Variants in TSNARE1 observed in about 807,000 individuals in gnomAD.
The protein encoded by TSNARE1 is t-SNARE domain-containing protein 1.
A neutral mutation model predicts 62.0 loss-of-function variants in TSNARE1; 49 were observed. The observed-to-expected ratio is 0.79, with a 90% CI of 0.63 to 1.00. The LOEUF is 1.00. TSNARE1 is among the 50% of genes least tolerant of loss of function. TSNARE1 has a pLI of 0.00. For synonymous variants in TSNARE1, 328 were observed against 294.4 expected (o/e 1.11, Z -1.17); for missense variants, 755 against 700.1 (o/e 1.08, Z -0.88).
chr8:142,357,659 CAG>C (rs1373888127), intron 1 of TSNARE1, among the ~76,000 whole-genome samples: 6 of 152,160 alleles, frequency 3.9e-5, no homozygotes, highest in Admixed American at 6.5e-5. Context: ...TTCCTCGTGC[CAG>C]AAAGTGAGGG....
intron 10 of TSNARE1, among the ~76,000 whole-genome samples, chr8:142,297,814 G>A (rs932021663): frequency 3.9e-5 from 6 of 151,934 alleles, no homozygotes; most frequent in South Asian, 2.1e-4. Context: ...GACAATTTGC[G>A]TTTTGTTTTT....
rs539469534 is a variant in TSNARE1 at position 142,224,268 on chromosome 8, G to A, written c.*11+5205C>T. The stretch of plus-strand genomic sequence containing the variant: ...AGCTGGGACCCGGAATGGCTCCATC[G>A]AGTGCGGCAGGCGGGCTTTGCCCTA... On this transcript the variant is annotated intron_variant, in intron 13 of 13. Transcript: ENST00000524325. Among the ~76,000 whole-genome samples, 62 of 152,334 alleles carry A rather than the reference G, an allele frequency of 4.1e-4. No individual in the cohort carries two copies. In the South Asian group the frequency reaches 9.9e-3, roughly 24 times the overall value.
At chr8:142,405,350 G>GT (rs1838570266), upstream of TSNARE1, 1 of 152,208 alleles carries the variant, frequency 6.6e-6, no homozygotes, top group Non-Finnish European at 1.5e-5. Context: ...GGACTCCCTG[G>GT]GAAGAACTCT....
chr8:142,224,877 C>T (rs1238596593), intron 13 of TSNARE1, among the ~76,000 whole-genome samples: 5 of 152,102 alleles, frequency 3.3e-5, no homozygotes, highest in South Asian at 4.1e-4. Context: ...AGGCTGAGCC[C>T]GCGGGGAGTG....
At chr8:142,257,724 G>A (rs546925661) in intron 12 of TSNARE1, among the ~76,000 whole-genome samples, 1 of 152,034 alleles carries the variant, frequency 6.6e-6, no homozygotes, top group Non-Finnish European at 1.5e-5. Flanking sequence ...GGGGTGGGAG[G>A]CCTGGCCCTG....
chr8:142,213,656 G>A (rs1197427304), intron 13 of TSNARE1, among the ~76,000 whole-genome samples: 2 of 152,154 alleles, frequency 1.3e-5, no homozygotes, highest in Admixed American at 6.5e-5. Flanking sequence ...CTGGGGAGGG[G>A]GCCCCTCAGG....
intron 1 of TSNARE1, among the ~76,000 whole-genome samples, chr8:142,402,092 G>T (rs1240402382): frequency 6.6e-6 from 1 of 152,128 alleles, no homozygotes; most frequent in Admixed American, 6.5e-5. Context: ...TACCGGAAGC[G>T]GAGCTGCCCC....
chr8:142,354,472 G>A (rs978988687), intron 2 of TSNARE1, among the ~76,000 whole-genome samples, 165 bp downstream of exon 2: 42 of 152,242 alleles, frequency 2.8e-4, no homozygotes, highest in African/African-American at 9.4e-4. Context: ...CTTTCCAGGG[G>A]CCTGAATGGG....
intron 9 of TSNARE1, among the ~76,000 whole-genome samples, chr8:142,304,364 C>T (rs1826306378): frequency 2.0e-5 from 3 of 152,224 alleles, no homozygotes; most frequent in Non-Finnish European, 2.9e-5. Flanking sequence ...AGCAGTGGTG[C>T]CGGCTGTGAG....
chr8:142,354,138 G>C (rs960316740), intron 2 of TSNARE1, among the ~76,000 whole-genome samples: 1 of 152,136 alleles, frequency 6.6e-6, no homozygotes, highest in Non-Finnish European at 1.5e-5. Context: ...GGGTGGATGA[G>C]GTGAAATGGA....
chr8:142,246,223 C>T (rs988453368), intron 12 of TSNARE1, among the ~76,000 whole-genome samples: 9 of 152,138 alleles, frequency 5.9e-5, no homozygotes, highest in Non-Finnish European at 4.4e-5. Flanking sequence ...TTGTAGCCAC[C>T]CCTACCCCCA....
intron 13 of TSNARE1, among the ~76,000 whole-genome samples, chr8:142,217,409 C>T (rs1815931821): frequency 2.6e-5 from 4 of 152,000 alleles, no homozygotes; most frequent in South Asian, 4.2e-4. Context: ...CAAGCAACGG[C>T]GTAAGGAATG....
At chr8:142,278,074 C>A in intron 11 of TSNARE1, 1 of 985,412 alleles carries the variant, frequency 1.0e-6, no homozygotes, top group Non-Finnish European at 1.2e-6. Flanking sequence ...CTGAGAGGAC[C>A]CAGATCCTCC....
intron 1 of TSNARE1, among the ~76,000 whole-genome samples, chr8:142,362,670 C>T (rs1243447798): frequency 1.3e-5 from 2 of 152,144 alleles, no homozygotes; most frequent in African/African-American, 4.8e-5. Context: ...TCACCTCTCA[C>T]GGGTCCCACT....
At chr8:142,346,718 C>T (rs545630226) in intron 2 of TSNARE1, among the ~76,000 whole-genome samples, 174 of 152,348 alleles carry the variant, frequency 1.1e-3, no homozygotes, top group African/African-American at 3.8e-3. Flanking sequence ...CAGCCACATC[C>T]GCGGCCTCCA....
At chr8:142,403,547 C>A (rs1380273152), upstream of TSNARE1, 1 of 152,176 alleles carries the variant, frequency 6.6e-6, no homozygotes, top group Non-Finnish European at 1.5e-5. Context: ...CGGGGCTGCG[C>A]AGGCGGCGGG....
At chr8:142,364,517 C>A (rs1047232028) in intron 1 of TSNARE1, among the ~76,000 whole-genome samples, 3 of 152,132 alleles carry the variant, frequency 2.0e-5, no homozygotes, top group African/African-American at 7.2e-5. Flanking sequence ...AATGGGCACA[C>A]CCAGCACAGA....
chr8:142,260,982 G>A (rs1229312473), intron 12 of TSNARE1, among the ~76,000 whole-genome samples: 1 of 62,012 alleles, frequency 1.6e-5, no homozygotes, highest in Non-Finnish European at 3.8e-5. Flanking sequence ...GGGAGGGAGG[G>A]AGGAGAGAGG....
chr8:142,239,134 G>C (rs879936897), intron 12 of TSNARE1, among the ~76,000 whole-genome samples: 1 of 152,216 alleles, frequency 6.6e-6, no homozygotes, highest in Non-Finnish European at 1.5e-5. Context: ...AGGCCTACAG[G>C]AGAGAAAGTT....
Sources: gnomAD v4.1 joint callset for allele counts (sites outside exome capture counted in the v4.1 genomes callset) on GRCh38, gnomAD v4.1.1 for gene constraint, MANE v1.5 for transcripts, NCBI Gene and HGNC (gene_info 2026-07-23, HGNC 2026-07-21) for gene names.